The following TEC variants were observed in gnomAD, a reference collection of about 807,000 sequenced individuals.
TEC encodes tec protein tyrosine kinase, also known as tyrosine-protein kinase Tec.
A neutral mutation model predicts 93.0 loss-of-function variants in TEC; 72 were observed. That is an observed-to-expected ratio of 0.77 (90% CI 0.64 to 0.94). The LOEUF is 0.94. Among genes scored for constraint, TEC ranks in the 40% least tolerant of loss-of-function variants. The pLI, the probability that TEC is intolerant of heterozygous loss-of-function variation, is 0.00. For missense variants in TEC, 630 were observed against 757.9 expected (o/e 0.83, Z 1.98); for synonymous variants, 249 against 247.7 (o/e 1.01, Z -0.05).
chr4:48,150,903 G>T lies in TEC; in HGVS notation c.832C>A (p.Pro278Thr), dbSNP rs1443645002. The T allele has an allele frequency of 1.9e-6, 3 of 1,588,302 alleles. No homozygotes were observed. The African/African-American group carries it at 4.1e-5, about 21-fold the overall frequency. The change falls in exon 10 of 18, where the codon CCA (proline) becomes ACA (threonine). Residue 278 changes from proline (P) to threonine (T), a missense_variant. Physicochemically the swap from Pro to Thr is conservative, Grantham distance 38. This residue lies in a region of TEC where 335 missense variants were observed against 351.5 expected (regional missense o/e 0.95). Coordinates refer to ENST00000381501, the MANE Select transcript of TEC (RefSeq NM_003215.3). ...GGFMVRDSSQ[P>T]GLYTVSLYTK... is the part of the protein sequence containing the mutation. ...TAAAGGGAGACTGTGTACAAGCCTG[G>T]TTGACTGGAATCCCTTACCATAAAA...
At chr4:48,197,226 T>C (rs1321664122) in intron 2 of TEC, among the ~76,000 whole-genome samples, 1 of 152,150 alleles carries the variant, frequency 6.6e-6, no homozygotes, top group Non-Finnish European at 1.5e-5. Flanking sequence ...AGTACAATGG[T>C]TCAGAGCTCT....
At chr4:48,244,875 A>C (rs1245201974) in intron 1 of TEC, among the ~76,000 whole-genome samples, 1 of 152,234 alleles carries the variant, frequency 6.6e-6, no homozygotes, top group Non-Finnish European at 1.5e-5. Flanking sequence ...TAGGCACTCT[A>C]AGATTAGAGA....
intron 1 of TEC, among the ~76,000 whole-genome samples, chr4:48,230,103 A>AATAAT (rs894425482): frequency 3.4e-5 from 4 of 118,306 alleles, no homozygotes; most frequent in African/African-American, 1.3e-4. Context: ...TAATAATAAT[A>AATAAT]AATAAATAAC....
intron 3 of TEC, among the ~76,000 whole-genome samples, chr4:48,175,724 G>A (rs1026163620): frequency 2.0e-5 from 3 of 151,774 alleles, no homozygotes; most frequent in African/African-American, 4.8e-5. Context: ...AACCATTGTC[G>A]GGAAAAAAAA....
At chr4:48,247,743 T>C (rs1440383931) in intron 1 of TEC, among the ~76,000 whole-genome samples, 2 of 152,182 alleles carry the variant, frequency 1.3e-5, no homozygotes, top group East Asian at 1.9e-4. Context: ...TGGGGTTTCT[T>C]TCTGAGATAA....
intron 2 of TEC, among the ~76,000 whole-genome samples, chr4:48,200,619 C>T (rs1722475277): frequency 6.6e-6 from 1 of 152,204 alleles, no homozygotes; most frequent in African/African-American, 2.4e-5. Flanking sequence ...TAAAAGACTG[C>T]ACTTCTCAGC....
At chr4:48,235,200 GA>G (rs1287726224) in intron 1 of TEC, among the ~76,000 whole-genome samples, 2 of 152,112 alleles carry the variant, frequency 1.3e-5, no homozygotes, top group African/African-American at 4.8e-5. Context: ...TTTCAGGGGG[GA>G]AAATGGTCTA....
rs1034466914 is a variant in TEC, at chr4:48,135,834, A to G, written c.*1582T>C. Reference sequence around the variant, plus strand: ...TCTTCCATTATGAGGGGCACAGGAAAAGAATAAACACAGCCTTCAGTGGAT... The same window carrying G: ...TCTTCCATTATGAGGGGCACAGGAAGAGAATAAACACAGCCTTCAGTGGAT... On this transcript the variant is annotated 3_prime_UTR_variant, in exon 18 of 18. Coordinates refer to ENST00000381501, the MANE Select transcript of TEC (RefSeq NM_003215.3). 1.1e-4 allele frequency: 17 copies of G among 152,266 alleles called. No individual in the cohort carries two copies. The highest frequency in any genetic ancestry group is 4.1e-4 in the African/African-American group (17 of 41,452). 9.4% of individuals were successfully genotyped at this position (152,266 alleles called of 1,614,324 possible). A position where few individuals can be genotyped will look rare whatever the true frequency, so the allele number is the denominator to read the frequency against.
chr4:48,137,328 C>T lies in TEC; in HGVS notation c.*88G>A. 1 of 1,020,172 alleles carries T rather than the reference C, an allele frequency of 9.8e-7. No individual in the cohort carries two copies. Among genetic ancestry groups the T allele is most frequent in the South Asian group, 1.4e-5 (1 of 70,364 alleles). 63.2% of individuals were successfully genotyped at this position (1,020,172 alleles called of 1,614,324 possible). On this transcript the variant is annotated 3_prime_UTR_variant, in exon 18 of 18. Transcript: ENST00000381501. ...TCCACTGTATAAGTAAAATGATCTA[C>T]ATGTCCAAGTGCTCAATAAATTAAA...
rs1455457239 is a variant in TEC at position 48,179,363 on chromosome 4, TATATATATATA to T, written c.139-3188_139-3178del. ...GTATATATATATATATATATATATATATATATATATATATTTTTTTTTTTTTTTTTTTTTTT... is the reference window on the plus strand; with the variant it reads ...GTATATATATATATATATATATATATTATTTTTTTTTTTTTTTTTTTTTTT... On this transcript the variant is annotated intron_variant, in intron 2 of 17. Coordinates refer to ENST00000381501, the MANE Select transcript of TEC (RefSeq NM_003215.3). 4.8e-3 allele frequency among the ~76,000 whole-genome samples: 199 copies of T among 41,216 alleles called. 5 individuals carry two copies. The highest frequency in any genetic ancestry group is 7.9e-3 in the Non-Finnish European group (164 of 20,858). 27.0% of individuals were successfully genotyped at this position (41,216 alleles called of 152,430 possible).
At chr4:48,251,047 A>C (rs1390875291) in intron 1 of TEC, among the ~76,000 whole-genome samples, 1 of 152,210 alleles carries the variant, frequency 6.6e-6, no homozygotes. Context: ...TTTTCCATGC[A>C]TCAGTAAATA....
rs1229403176 is a variant in TEC at position 48,228,629 on chromosome 4, T to TATC, written c.-16_-15insGAT. 1 of 1,609,960 alleles carries TATC rather than the reference T, an allele frequency of 6.2e-7. No individual in the cohort carries two copies. Among genetic ancestry groups the TATC allele is most frequent in the East Asian group, 2.2e-5 (1 of 44,824 alleles). On this transcript the variant is annotated 5_prime_UTR_variant, in exon 2 of 18. Transcript: ENST00000381501. ...TTAAAATTCATCTCCGTCTTCTGAT[T>TATC]ACTCCTCCTGCCACTGAAGATCCCA...
intron 2 of TEC, among the ~76,000 whole-genome samples, chr4:48,217,233 A>G (rs1270900726): frequency 1.3e-5 from 2 of 152,086 alleles, no homozygotes; most frequent in Non-Finnish European, 2.9e-5. Flanking sequence ...CCTCCCGAGT[A>G]GTTGGGATTA....
intron 5 of TEC, 50 bp downstream of exon 5, chr4:48,170,198 A>G: frequency 7.0e-7 from 1 of 1,431,282 alleles, no homozygotes; most frequent in Non-Finnish European, 9.7e-7. Flanking sequence ...CATACCAATA[A>G]TACGTTCATT....
chr4:48,244,908 T>C (rs1296850298), intron 1 of TEC, among the ~76,000 whole-genome samples: 4 of 152,296 alleles, frequency 2.6e-5, no homozygotes, highest in African/African-American at 7.2e-5. Context: ...AACTTCTCAA[T>C]TGAGAGGTGA....
At chr4:48,152,246 C>T (rs1392010188) in intron 9 of TEC, among the ~76,000 whole-genome samples, 1 of 151,894 alleles carries the variant, frequency 6.6e-6, no homozygotes, top group Non-Finnish European at 1.5e-5. Context: ...GCCAACATGG[C>T]AGAACCCCAC....
chr4:48,161,655 A>G (rs1353894892), intron 8 of TEC, among the ~76,000 whole-genome samples: 1 of 143,664 alleles, frequency 7.0e-6, no homozygotes, highest in Non-Finnish European at 1.5e-5. Flanking sequence ...GATGGTTAAT[A>G]TTGAGTGTCA....
chr4:48,161,672 T>C (rs1410675861), intron 8 of TEC, among the ~76,000 whole-genome samples: 1 of 151,156 alleles, frequency 6.6e-6, no homozygotes, highest in Non-Finnish European at 1.5e-5. Flanking sequence ...GTCAACTTGA[T>C]TGGATTGAAA....
intron 2 of TEC, among the ~76,000 whole-genome samples, chr4:48,202,726 GTC>G (rs1284452729): frequency 6.6e-6 from 1 of 152,084 alleles, no homozygotes; most frequent in South Asian, 2.1e-4. Context: ...ACTATTTATT[GTC>G]TCTGTTTTAC....
Sources: gnomAD v4.1 joint callset for allele counts (sites outside exome capture counted in the v4.1 genomes callset) on GRCh38, gnomAD v4.1.1 for gene constraint, gnomAD v4.1.1 regional missense constraint, MANE v1.5 for transcripts, NCBI Gene and HGNC (gene_info 2026-07-23, HGNC 2026-07-21) for gene names.